MAML3: variants seen among roughly 807,000 people sequenced by gnomAD.
MAML3 encodes mastermind-like protein 3.
Under a neutral mutation model 101.9 loss-of-function variants are expected in MAML3, and 27 were observed. The ratio of observed to expected loss-of-function variants is 0.27; its 90% CI spans 0.20 to 0.37. The LOEUF (loss-of-function observed/expected upper bound fraction) is 0.37. MAML3 is among the 10% of genes least tolerant of loss of function. The probability of loss-of-function intolerance (pLI) is 1.00; values close to 1 mark genes in which losing one functional copy is unlikely to be tolerated. For missense variants in MAML3, 1,316 were observed against 1,444.9 expected (o/e 0.91, Z 1.45); for synonymous variants, 501 against 555.9 (o/e 0.90, Z 1.39).
chr4:139,728,821 C>T (rs1728582982), intron 3 of MAML3, among the ~76,000 whole-genome samples: 1 of 152,200 alleles, frequency 6.6e-6, no homozygotes. Flanking sequence ...GGGCTGGCCT[C>T]ACCGTGTGGG....
intron 2 of MAML3, among the ~76,000 whole-genome samples, chr4:139,876,855 G>A (rs1005436136): frequency 8.5e-5 from 13 of 152,158 alleles, no homozygotes; most frequent in Non-Finnish European, 1.9e-4. Context: ...TACACCCAAG[G>A]CAATCTTTTT....
At chr4:140,069,387 G>GAAGAAGA (rs1560883535) in intron 1 of MAML3, among the ~76,000 whole-genome samples, 8 of 49,962 alleles carry the variant, frequency 1.6e-4, no homozygotes, top group Admixed American at 5.4e-4. Flanking sequence ...GAAGAAGAAG[G>GAAGAAGA]AGGAGGAGGA....
chr4:139,872,557 G>A lies in MAML3; in HGVS notation c.2079+16800C>T, dbSNP rs550233628. 4.6e-5 allele frequency among the ~76,000 whole-genome samples: 7 copies of A among 152,330 alleles called. No homozygotes were observed. In the East Asian group the frequency reaches 1.4e-3, roughly 29 times the overall value. On this transcript the variant is annotated intron_variant, in intron 2 of 4. Coordinates refer to ENST00000509479, the MANE Select transcript of MAML3 (RefSeq NM_018717.5). ...TAACCAGGTTGTGAAATGGAAAGCA[G>A]AGGAACTGGAGGATGTACTGGAAGA... is the stretch of plus-strand genomic sequence containing the variant.
intron 2 of MAML3, among the ~76,000 whole-genome samples, chr4:139,744,192 GC>G (rs1484939466): frequency 6.6e-6 from 1 of 152,220 alleles, no homozygotes; most frequent in East Asian, 1.9e-4. Flanking sequence ...TAAATTGATT[GC>G]CAGGGTGGCT....
intron 2 of MAML3, among the ~76,000 whole-genome samples, chr4:139,786,962 G>A (rs946721879): frequency 6.6e-6 from 1 of 152,208 alleles, no homozygotes; most frequent in Non-Finnish European, 1.5e-5. Flanking sequence ...GTGCCTCAGA[G>A]ACACAGCCCT....
At chr4:139,995,522 T>C (rs1305162525) in intron 1 of MAML3, among the ~76,000 whole-genome samples, 1 of 152,188 alleles carries the variant, frequency 6.6e-6, no homozygotes, top group Non-Finnish European at 1.5e-5. Context: ...CCTTACTTAT[T>C]ATAGTTCTAT....
At chr4:139,790,610 C>T (rs1226674973) in intron 2 of MAML3, among the ~76,000 whole-genome samples, 1 of 152,100 alleles carries the variant, frequency 6.6e-6, no homozygotes, top group East Asian at 1.9e-4. Flanking sequence ...TTTACCATTT[C>T]AGGTATCTTA....
At chr4:139,971,738 T>C (rs1734238814) in intron 1 of MAML3, among the ~76,000 whole-genome samples, 1 of 152,226 alleles carries the variant, frequency 6.6e-6, no homozygotes, top group African/African-American at 2.4e-5. Flanking sequence ...AGAATTACTT[T>C]CTTAGTCTTC....
At chr4:139,815,181 GT>G (rs922428109) in intron 2 of MAML3, among the ~76,000 whole-genome samples, 1 of 152,206 alleles carries the variant, frequency 6.6e-6, no homozygotes, top group African/African-American at 2.4e-5. Flanking sequence ...CTGGAACTTG[GT>G]GTCCACTTAG....
intron 1 of MAML3, among the ~76,000 whole-genome samples, chr4:140,040,669 A>T (rs1001369772): frequency 1.3e-5 from 2 of 152,216 alleles, no homozygotes; most frequent in Admixed American, 6.5e-5. Context: ...GGAAAATGCA[A>T]ATGTTAAATT....
intron 1 of MAML3, among the ~76,000 whole-genome samples, chr4:140,140,377 A>G (rs28462095): frequency 0.48 from 72,264 of 151,994 alleles, 19,218 homozygotes; most frequent in Non-Finnish European, 0.61. Flanking sequence ...TTAATTTATC[A>G]TACTGGATGG....
intron 1 of MAML3, among the ~76,000 whole-genome samples, chr4:139,956,166 A>G (rs2110766639): frequency 6.6e-6 from 1 of 152,316 alleles, no homozygotes; most frequent in Admixed American, 6.5e-5. Flanking sequence ...TTTGACTGTA[A>G]AATGGGAACA....
chr4:140,124,960 C>T (rs908276942), intron 1 of MAML3, among the ~76,000 whole-genome samples: 49 of 152,120 alleles, frequency 3.2e-4, no homozygotes, highest in African/African-American at 1.2e-3. Context: ...GATGCTACAG[C>T]GCAGAAGCAA....
rs575544770 is a variant in MAML3, at chr4:140,085,428, C to T, written c.468+67432G>A. On this transcript the variant is annotated intron_variant, in intron 1 of 4. Transcript: ENST00000509479. ...GAGGAGGGAATTACTCCATTCCCCACCCCTGGTTACCTGAATCACACTGTG... is the reference window on the plus strand; with the variant it reads ...GAGGAGGGAATTACTCCATTCCCCATCCCTGGTTACCTGAATCACACTGTG... Among the ~76,000 whole-genome samples the T allele has an allele frequency of 2.6e-5, 4 of 152,260 alleles. No homozygotes were observed. In the East Asian group the frequency reaches 7.7e-4, roughly 29 times the overall value.
chr4:139,987,084 C>T (rs549741921), intron 1 of MAML3, among the ~76,000 whole-genome samples: 28 of 152,284 alleles, frequency 1.8e-4, no homozygotes, highest in African/African-American at 6.5e-4. Flanking sequence ...TGTGAGCTAG[C>T]CACTGTTCCC....
chr4:140,019,957 A>G (rs773493867), intron 1 of MAML3, among the ~76,000 whole-genome samples: 1 of 152,174 alleles, frequency 6.6e-6, no homozygotes, highest in Non-Finnish European at 1.5e-5. Flanking sequence ...CTCAGTATTG[A>G]GATTACAAAT....
At chr4:140,151,703 C>A (rs908937693) in intron 1 of MAML3, among the ~76,000 whole-genome samples, 1 of 130,664 alleles carries the variant, frequency 7.7e-6, no homozygotes, top group African/African-American at 2.8e-5. Flanking sequence ...GGGGGGGGGG[C>A]ACACACCTTT....
intron 1 of MAML3, among the ~76,000 whole-genome samples, chr4:140,142,986 A>T (rs545298913): frequency 6.6e-6 from 1 of 152,292 alleles, no homozygotes; most frequent in East Asian, 1.9e-4. Flanking sequence ...CACACCAACT[A>T]ATCCTCTCCT....
chr4:139,860,540 G>A (rs1731757972), intron 2 of MAML3, among the ~76,000 whole-genome samples: 1 of 152,132 alleles, frequency 6.6e-6, no homozygotes, highest in South Asian at 2.1e-4. Context: ...TACGACAACC[G>A]TTTCCTTGAT....
Sources: allele counts gnomAD v4.1 joint callset (sites outside exome capture counted in the v4.1 genomes callset), GRCh38; gene constraint gnomAD v4.1.1; transcripts MANE v1.5; gene names NCBI Gene and HGNC (gene_info 2026-07-23, HGNC 2026-07-21).